The following RIMS1 variants were observed in gnomAD, a reference collection of about 807,000 sequenced individuals.
RIMS1 encodes the protein regulating synaptic membrane exocytosis protein 1.
A neutral mutation model predicts 214.1 loss-of-function variants in RIMS1; 83 were observed. The ratio of observed to expected loss-of-function variants is 0.39; its 90% CI spans 0.32 to 0.47. The LOEUF (loss-of-function observed/expected upper bound fraction) is 0.47. Ranked by LOEUF, RIMS1 falls within the 20% of genes least tolerant of loss-of-function variation. The pLI is 0.99. For missense variants in RIMS1, 2,050 were observed against 2,161.8 expected (o/e 0.95, Z 1.03); for synonymous variants, 793 against 786.8 (o/e 1.01, Z -0.13).
chr6:72,231,399 C>G (rs2061920002), intron 6 of RIMS1, among the ~76,000 whole-genome samples: 1 of 151,396 alleles, frequency 6.6e-6, no homozygotes, highest in South Asian at 2.1e-4. Flanking sequence ...TAATTGTATA[C>G]TAAAATATAT....
chr6:71,922,331 A>G (rs1223041980), intron 1 of RIMS1, among the ~76,000 whole-genome samples: 2 of 152,182 alleles, frequency 1.3e-5, no homozygotes, highest in South Asian at 2.1e-4. Context: ...CTCTCCTCTC[A>G]TCTCCTGGTA....
At chr6:72,106,648 ATTGTTTGT>A (rs780354331) in intron 4 of RIMS1, among the ~76,000 whole-genome samples, 1 of 151,996 alleles carries the variant, frequency 6.6e-6, no homozygotes, top group East Asian at 1.9e-4. Flanking sequence ...TGCTGTTTTT[ATTGTTTGT>A]TTGTTTGTTT....
intron 24 of RIMS1, among the ~76,000 whole-genome samples, chr6:72,287,999 C>G (rs950377446): frequency 6.6e-6 from 1 of 152,146 alleles, no homozygotes; most frequent in Non-Finnish European, 1.5e-5. Context: ...TCTGTTAAGT[C>G]CTGCCAAATA....
At chr6:71,973,736 T>C (rs553744132) in intron 2 of RIMS1, among the ~76,000 whole-genome samples, 1 of 152,206 alleles carries the variant, frequency 6.6e-6, no homozygotes, top group East Asian at 1.9e-4. Context: ...AGAAGCAGTG[T>C]GTCACTGATA....
At position 72,096,959 on chromosome 6, in the gene RIMS1, C is replaced by G. The variant is rs1427244177; in HGVS notation, c.256C>G (p.Gln86Glu). The G allele has an allele frequency of 1.9e-6, 3 of 1,613,080 alleles. No individual in the cohort carries two copies. The highest frequency in any genetic ancestry group is 2.7e-5 in the African/African-American group (2 of 75,032). Reference protein sequence around the residue: ...QPHQPSPRLHQQFESYKEQVR... With the variant: ...QPHQPSPRLHEQFESYKEQVR... ...TTCTCTTTTGCCTAGGAGATTGCAT[C>G]AACAGTTTGAAAGCTATAAGGAACA... is the stretch of plus-strand genomic sequence containing the variant. The change falls in exon 3 of 34, where the codon CAA becomes GAA. Residue 86 changes from glutamine to glutamate, a missense_variant. Transcript: ENST00000521978.
chr6:72,109,007 A>G (rs918055950), intron 4 of RIMS1, among the ~76,000 whole-genome samples: 1 of 151,732 alleles, frequency 6.6e-6, no homozygotes, highest in African/African-American at 2.4e-5. Context: ...CATTTCATCC[A>G]TGTCCCTACA....
At chr6:72,196,385 A>ATCTATCTG (rs1562551804) in intron 6 of RIMS1, among the ~76,000 whole-genome samples, 11 of 53,684 alleles carry the variant, frequency 2.0e-4, no homozygotes, top group African/African-American at 7.3e-4. Flanking sequence ...CTGTCTATCT[A>ATCTATCTG]TCTATCTATC....
chr6:71,989,989 G>A (rs1048267092), intron 2 of RIMS1, among the ~76,000 whole-genome samples: 2 of 152,166 alleles, frequency 1.3e-5, no homozygotes, highest in African/African-American at 4.8e-5. Context: ...CTCCCAGACT[G>A]TGTCTCCTCA....
chr6:71,940,934 A>G (rs1785904060), intron 1 of RIMS1, among the ~76,000 whole-genome samples: 1 of 152,190 alleles, frequency 6.6e-6, no homozygotes, highest in African/African-American at 2.4e-5. Context: ...AAAAGTTTAT[A>G]ATTGCAAGGT....
At position 72,400,753 on chromosome 6, in the gene RIMS1, T is replaced by C; in HGVS notation, c.*39T>C. On this transcript the variant is annotated 3_prime_UTR_variant, in exon 34 of 34. Transcript: ENST00000521978. ...GAGTCATTCCAATAAAACTCTACTTTTCAGGATAATAATCTGAACCAGATA... is the reference window on the plus strand; with the variant it reads ...GAGTCATTCCAATAAAACTCTACTTCTCAGGATAATAATCTGAACCAGATA... 1 of 1,439,372 alleles carries C rather than the reference T, an allele frequency of 6.9e-7. No individual in the cohort carries two copies. The highest frequency in any genetic ancestry group is 9.7e-7 in the Non-Finnish European group (1 of 1,031,644). The allele number at this position is 1,439,372 out of a possible 1,614,324, so 89.2% of individuals were successfully genotyped here.
intron 1 of RIMS1, among the ~76,000 whole-genome samples, chr6:71,962,713 T>C (rs973396206): frequency 1.3e-5 from 2 of 152,182 alleles, no homozygotes; most frequent in Non-Finnish European, 2.9e-5. Context: ...TTTCTTCATT[T>C]AGAATTTGTG....
rs777594380 is a variant in RIMS1, at chr6:72,179,879, C to T, written c.776C>T (p.Ala259Val). The T allele has an allele frequency of 5.1e-6, 8 of 1,573,462 alleles. No homozygotes were observed. The South Asian group carries it at 9.5e-5, about 19-fold the overall frequency. Residue 259 changes from alanine (A) to valine (V), a missense_variant, in exon 5 of 34, where the codon GCT becomes GTT. Around this residue, in one of 6 missense-constraint regions of RIMS1, gnomAD observed 882 missense variants for 828.9 expected, o/e 1.06. Transcript: ENST00000521978. Reference sequence around the variant, plus strand: ...GCCTTGGGGCCTGAACAGAAGCAGGCTTCATCCAGGTCTAGAAGTGAACCT... The same window carrying T: ...GCCTTGGGGCCTGAACAGAAGCAGGTTTCATCCAGGTCTAGAAGTGAACCT... ...QQALGPEQKQASSRSRSEPPR... is the reference protein window; with the variant it reads ...QQALGPEQKQVSSRSRSEPPR...
intron 1 of RIMS1, among the ~76,000 whole-genome samples, chr6:71,948,259 G>T (rs908682943): frequency 6.6e-6 from 1 of 152,136 alleles, no homozygotes; most frequent in Non-Finnish European, 1.5e-5. Context: ...TTGTTCATCA[G>T]ATATTTTTGG....
At chr6:71,987,238 A>T (rs1800262045) in intron 2 of RIMS1, among the ~76,000 whole-genome samples, 1 of 152,194 alleles carries the variant, frequency 6.6e-6, no homozygotes, top group Admixed American at 6.5e-5. Context: ...GCTGCTATTA[A>T]AAAATGCTTT....
chr6:72,208,926 A>G (rs982672714), intron 6 of RIMS1, among the ~76,000 whole-genome samples: 3 of 152,122 alleles, frequency 2.0e-5, no homozygotes, highest in Non-Finnish European at 4.4e-5. Flanking sequence ...AATTGCCTCA[A>G]TTACTCCATA....
rs527430685 is a variant in RIMS1, at chr6:72,005,858, C to T, written c.245+36795C>T. Among the ~76,000 whole-genome samples, 28 of 152,220 alleles carry T rather than the reference C, an allele frequency of 1.8e-4. No individual in the cohort carries two copies. In the East Asian group the frequency reaches 2.1e-3, roughly 12 times the overall value. On this transcript the variant is annotated intron_variant, in intron 2 of 33. Coordinates refer to ENST00000521978, the MANE Select transcript of RIMS1 (RefSeq NM_014989.7). Reference sequence around the variant, plus strand: ...AGAAACCAAGTAAATGAGATATTTACGAAACTGGAGTTCTATCAATGTAAC... The same window carrying T: ...AGAAACCAAGTAAATGAGATATTTATGAAACTGGAGTTCTATCAATGTAAC...
chr6:71,909,130 C>T (rs942090197), intron 1 of RIMS1, among the ~76,000 whole-genome samples: 1 of 152,096 alleles, frequency 6.6e-6, no homozygotes, highest in Non-Finnish European at 1.5e-5. Flanking sequence ...GATGGGACTA[C>T]AGGCACCCAC....
At chr6:72,380,315 G>A (rs2098464596) in intron 29 of RIMS1, among the ~76,000 whole-genome samples, 1 of 152,164 alleles carries the variant, frequency 6.6e-6, no homozygotes. Context: ...GTTAATGGGT[G>A]CAGCACACCA....
At chr6:72,356,295 A>G (rs930048755) in intron 29 of RIMS1, among the ~76,000 whole-genome samples, 3 of 152,014 alleles carry the variant, frequency 2.0e-5, no homozygotes, top group African/African-American at 7.3e-5. Context: ...ATGTACTGCC[A>G]AGGTAAGTTT....
Sources: gnomAD v4.1 joint callset for allele counts (sites outside exome capture counted in the v4.1 genomes callset) on GRCh38, gnomAD v4.1.1 for gene constraint, gnomAD v4.1.1 regional missense constraint, MANE v1.5 for transcripts, NCBI Gene and HGNC (gene_info 2026-07-23, HGNC 2026-07-21) for gene names.